ITPR3: variants seen among roughly 807,000 people sequenced by gnomAD.
ITPR3 encodes inositol 1,4,5-trisphosphate receptor type 3.
ITPR3 carries 173 observed loss-of-function variants against 293.2 expected under a neutral mutation model. That is an observed-to-expected ratio of 0.59 (90% CI 0.52 to 0.67). The LOEUF is 0.67. Among genes scored for constraint, ITPR3 ranks in the 30% least tolerant of loss-of-function variants. ITPR3 has a pLI of 0.00. For missense variants in ITPR3, 2,796 were observed against 3,592.1 expected (o/e 0.78, Z 5.66); for synonymous variants, 1,295 against 1,444.4 (o/e 0.90, Z 2.35).
rs1197642838 is a variant in ITPR3, at chr6:33,633,813, GGCGGGGCGGGCGC to G, written c.90-6669_90-6657del. ...AGCTCGCGGGCCGGGCCAGGCTGGG[GGCGGGGCGGGCGC>G]GGGGCGGGCGCGGGGCGGGGCCGGG... On this transcript the variant is annotated intron_variant, in intron 1 of 57. Coordinates refer to ENST00000605930, the MANE Select transcript of ITPR3 (RefSeq NM_002224.4). This position sits in a 1 kb window ranked among gnomAD's most constrained non-coding sequence, Gnocchi z 5.2. Among the ~76,000 whole-genome samples, 1 of 141,060 alleles carries G rather than the reference GGCGGGGCGGGCGC, an allele frequency of 7.1e-6. No individual in the cohort carries two copies. The highest frequency in any genetic ancestry group is 1.5e-5 in the Non-Finnish European group (1 of 64,520). 92.5% of individuals were successfully genotyped at this position (141,060 alleles called of 152,430 possible). A position where few individuals can be genotyped will look rare whatever the true frequency, so the allele number is the denominator to read the frequency against.
chr6:33,682,919 T>C lies in ITPR3; in HGVS notation c.4597+275T>C, dbSNP rs1327584481. On this transcript the variant is annotated intron_variant, in intron 34 of 57. Coordinates refer to ENST00000605930, the MANE Select transcript of ITPR3 (RefSeq NM_002224.4). The surrounding 1 kb of genome is among the most constrained non-coding windows in gnomAD (Gnocchi z 5.4). ...AGATGGGCTCAGGCAGGAGCAGGCC[T>C]GTGGATTGTTAGGGACAGTTGGGGA... Among the ~76,000 whole-genome samples, 1 of 151,996 alleles carries C rather than the reference T, an allele frequency of 6.6e-6. No individual in the cohort carries two copies. The highest frequency in any genetic ancestry group is 2.4e-5 in the African/African-American group (1 of 41,346).
rs1302038198 is a variant in ITPR3, at chr6:33,686,089, A to G, written c.5704A>G (p.Asn1902Asp). The G allele has an allele frequency of 6.2e-7, 1 of 1,614,116 alleles. No individual in the cohort carries two copies. The highest frequency in any genetic ancestry group is 2.2e-5 in the East Asian group (1 of 44,886). Residue 1902 changes from asparagine to aspartate, a missense_variant, in exon 42 of 58, where the codon AAC becomes GAC. Around this residue, in one of 8 missense-constraint regions of ITPR3, gnomAD observed 704 missense variants for 797.5 expected, o/e 0.88. Coordinates refer to ENST00000605930, the MANE Select transcript of ITPR3 (RefSeq NM_002224.4). ...CTGTCAGAACAACAAAACCAACTAC[A>G]ACTTGGTATGCGAGACGCTGCAGTT... ...LRCQNNKTNYNLVCETLQFLD... is the reference protein window; with the variant it reads ...LRCQNNKTNYDLVCETLQFLD...
In ITPR3 at chr6:33,682,603, A is replaced by G; in HGVS notation, c.4556A>G (p.Lys1519Arg). The change falls in exon 34 of 58, where the codon AAG becomes AGG. Residue 1519 changes from lysine (K) to arginine (R), a missense_variant. Transcript: ENST00000605930. This position sits in a 1 kb window ranked among gnomAD's most constrained non-coding sequence, Gnocchi z 5.4. Reference protein sequence around the residue: ...LECPWLQQQHKGSVEACIRTL... With the variant: ...LECPWLQQQHRGSVEACIRTL... The stretch of plus-strand genomic sequence containing the variant: ...TGTCCGTGGCTACAGCAGCAGCACA[A>G]GGGCTCCGTGGAGGCCTGCATCCGG... 6.3e-7 allele frequency: 1 copy of G among 1,597,472 alleles called. No homozygotes were observed. The highest frequency in any genetic ancestry group is 8.5e-7 in the Non-Finnish European group (1 of 1,172,758).
intron 33 of ITPR3, 140 bp downstream of exon 33, chr6:33,680,820 CTTT>C (rs747753235): frequency 8.4e-3 from 4,733 of 564,570 alleles, no homozygotes; most frequent in Middle Eastern, 0.011. Context: ...TATTGGTTAT[CTTT>C]TTTTTTTTTT....
intron 2 of ITPR3, among the ~76,000 whole-genome samples, chr6:33,650,763 T>A (rs1168947471): frequency 6.6e-6 from 1 of 152,148 alleles, no homozygotes; most frequent in African/African-American, 2.4e-5. Flanking sequence ...CATTTTTTTT[T>A]ATCGTTTTCT....
intron 25 of ITPR3, 55 bp from the exon 26 acceptor site, chr6:33,676,713 A>G (rs1764916439): frequency 6.2e-6 from 10 of 1,600,690 alleles, no homozygotes; most frequent in Non-Finnish European, 7.7e-6. Context: ...GGAGGTCTCT[A>G]AGTGGCATGG....
rs1431977678 is a variant in ITPR3 at position 33,624,645 on chromosome 6, A to T, written c.89+2954A>T. Among the ~76,000 whole-genome samples, 1 of 152,220 alleles carries T rather than the reference A, an allele frequency of 6.6e-6. No homozygotes were observed. Among genetic ancestry groups the T allele is most frequent in the African/African-American group, 2.4e-5 (1 of 41,446 alleles). On this transcript the variant is annotated intron_variant, in intron 1 of 57. Transcript: ENST00000605930. This position sits in a 1 kb window ranked among gnomAD's most constrained non-coding sequence, Gnocchi z 4.7. Reference sequence around the variant, plus strand: ...GCTTTTCCCGAGGCTGTTGGTGCCCATGTCTGTGAACCCATAGGCTGATTT... The same window carrying T: ...GCTTTTCCCGAGGCTGTTGGTGCCCTTGTCTGTGAACCCATAGGCTGATTT...
intron 2 of ITPR3, among the ~76,000 whole-genome samples, chr6:33,648,882 C>G (rs1215576493): frequency 6.6e-6 from 1 of 150,420 alleles, no homozygotes; most frequent in Non-Finnish European, 1.5e-5. Flanking sequence ...GTGTGAGCCA[C>G]CACGCCCAGG....
At position 33,687,115 on chromosome 6, in the gene ITPR3, G is replaced by A. The variant is rs747157089; in HGVS notation, c.6075+11G>A. 1 of 1,612,300 alleles carries A rather than the reference G, an allele frequency of 6.2e-7. No individual in the cohort carries two copies. The highest frequency in any genetic ancestry group is 1.3e-5 in the African/African-American group (1 of 74,870). On this transcript the variant is annotated intron_variant, in intron 44 of 57. Coordinates refer to ENST00000605930, the MANE Select transcript of ITPR3 (RefSeq NM_002224.4). This position sits in a 1 kb window ranked among gnomAD's most constrained non-coding sequence, Gnocchi z 5.3. Reference sequence around the variant, plus strand: ...CGGCCCCAGGAGCTGGTGAGGCTGGGCAGGTGGGCAGGCGGGCGGAACCAG... The same window carrying A: ...CGGCCCCAGGAGCTGGTGAGGCTGGACAGGTGGGCAGGCGGGCGGAACCAG...
chr6:33,624,698 C>T lies in ITPR3; in HGVS notation c.89+3007C>T, dbSNP rs1023631251. ...CTGAATTCCTGGGCTAACCCAGTGC[C>T]CAGTGTGTGGGCCCCAGGAGGTACC... On this transcript the variant is annotated intron_variant, in intron 1 of 57. Coordinates refer to ENST00000605930, the MANE Select transcript of ITPR3 (RefSeq NM_002224.4). The surrounding 1 kb of genome is among the most constrained non-coding windows in gnomAD (Gnocchi z 4.7). 1.3e-5 allele frequency among the ~76,000 whole-genome samples: 2 copies of T among 152,204 alleles called. No individual in the cohort carries two copies. The highest frequency in any genetic ancestry group is 4.8e-5 in the African/African-American group (2 of 41,452).
At chr6:33,669,901 A>G (rs757234566) in intron 18 of ITPR3, among the ~76,000 whole-genome samples, 40 of 152,304 alleles carry the variant, frequency 2.6e-4, no homozygotes, top group Non-Finnish European at 5.1e-4. Context: ...TGGTATTGCC[A>G]GGGCAGCACA....
In ITPR3 at chr6:33,690,232, G is replaced by A. The variant is rs1274516398; in HGVS notation, c.7032+34G>A. The A allele has an allele frequency of 3.1e-6, 5 of 1,599,382 alleles. No individual in the cohort carries two copies. The African/African-American group carries it at 6.7e-5, about 21-fold the overall frequency. On this transcript the variant is annotated intron_variant, in intron 51 of 57. Coordinates refer to ENST00000605930, the MANE Select transcript of ITPR3 (RefSeq NM_002224.4). ...TTCTGGGTGGGCTGGGGCTGGATGG[G>A]GGCATGGGGTGGTTGGGGCTTCCCA...
chr6:33,646,739 G>A (rs1213532614), intron 2 of ITPR3, among the ~76,000 whole-genome samples: 6 of 152,068 alleles, frequency 3.9e-5, no homozygotes, highest in South Asian at 2.1e-4. Flanking sequence ...GCAACATGGC[G>A]AAACCCCGTC....
Position 33,678,678 on chromosome 6 carries a change from A to G in ITPR3, c.3811A>G (p.Asn1271Asp). 6.2e-7 allele frequency: 1 copy of G among 1,613,034 alleles called. No homozygotes were observed. The highest frequency in any genetic ancestry group is 2.2e-5 in the East Asian group (1 of 44,882). ...AETMQHIFLN[N>D]YQLCSEISEP... ...GACCATGCAGCACATCTTCCTGAAC[A>G]ACTATCAGCTCTGCTCCGAGATCAG... The change falls in exon 30 of 58, where the codon AAC (asparagine) becomes GAC (aspartate). Residue 1271 changes from asparagine to aspartate, a missense_variant. By Grantham distance (23) the Asn-to-Asp change is conservative. Around this residue, in one of 8 missense-constraint regions of ITPR3, gnomAD observed 344 missense variants for 460.3 expected, o/e 0.75. Coordinates refer to ENST00000605930, the MANE Select transcript of ITPR3 (RefSeq NM_002224.4).
chr6:33,686,377 T>C (rs1431082141), intron 42 of ITPR3, 32 bp from the exon 43 acceptor site: 2 of 1,597,706 alleles, frequency 1.3e-6, no homozygotes, highest in Non-Finnish European at 1.7e-6. Flanking sequence ...TGAGAGGGCC[T>C]GGGCCCTGTG....
In ITPR3 at chr6:33,671,025, G is replaced by A. The variant is rs908649976; in HGVS notation, c.2587-140G>A. ...GCCTGGGAAAGGGCTGCCTCTCCCT[G>A]CTCCGCTCTCCCTCCTGGGAACCCC... On this transcript the variant is annotated intron_variant, in intron 20 of 57. Coordinates refer to ENST00000605930, the MANE Select transcript of ITPR3 (RefSeq NM_002224.4). The A allele has an allele frequency of 4.2e-6, 6 of 1,436,794 alleles. No homozygotes were observed. In the African/African-American group the frequency reaches 4.2e-5, roughly 10 times the overall value. The allele number at this position is 1,436,794 out of a possible 1,614,324, so 89.0% of individuals were successfully genotyped here. A position where few individuals can be genotyped will look rare whatever the true frequency, so the allele number is the denominator to read the frequency against.
In ITPR3 at chr6:33,694,933, C is replaced by A; in HGVS notation, c.7795C>A (p.Leu2599Met). ...YVAQMIKNKN[L>M]DWFPRMRAMS... ...TGGTGATGTTTTTCAGAACAAGAAC[C>A]TGGACTGGTTCCCCCGGATGCGGGC... The change falls in exon 57 of 58, where the codon CTG becomes ATG. Residue 2599 changes from leucine (L) to methionine (M), a missense_variant. Around this residue, in one of 8 missense-constraint regions of ITPR3, gnomAD observed 568 missense variants for 796.1 expected, o/e 0.71. Transcript: ENST00000605930. The A allele has an allele frequency of 2.5e-6, 4 of 1,614,160 alleles. No individual in the cohort carries two copies. The Middle Eastern group carries it at 6.6e-4, about 266-fold the overall frequency.
chr6:33,688,129 C>T lies in ITPR3; in HGVS notation c.6337C>T (p.Pro2113Ser). The T allele has an allele frequency of 6.2e-7, 1 of 1,614,158 alleles. No homozygotes were observed. Among genetic ancestry groups the T allele is most frequent in the Non-Finnish European group, 8.5e-7 (1 of 1,180,020 alleles). The stretch of plus-strand genomic sequence containing the variant: ...GCCAGCACAGGAGGAGGAGGAAGAC[C>T]CCCTGGCCTACTATGAGAACCACAC... ...SAPAQEEEED[P>S]LAYYENHTSQ... is the part of the protein sequence containing the mutation. The change falls in exon 47 of 58, where the codon CCC (proline) becomes TCC (serine). Residue 2113 changes from proline to serine, a missense_variant. Physicochemically the swap from Pro to Ser is moderately conservative, Grantham distance 74. This residue lies in a region of ITPR3 where 568 missense variants were observed against 796.1 expected (regional missense o/e 0.71). Transcript: ENST00000605930.
chr6:33,693,986 GA>G (rs1269505474), intron 56 of ITPR3, among the ~76,000 whole-genome samples: 1 of 152,212 alleles, frequency 6.6e-6, no homozygotes, highest in African/African-American at 2.4e-5. Context: ...TGGGTGTCAG[GA>G]AAAATCCCAC....
Sources: gnomAD v4.1 joint callset for allele counts (sites outside exome capture counted in the v4.1 genomes callset) on GRCh38, gnomAD v4.1.1 for gene constraint, gnomAD v4.1.1 regional missense constraint, Gnocchi (gnomAD v3.1) non-coding constraint, MANE v1.5 for transcripts, NCBI Gene and HGNC (gene_info 2026-07-23, HGNC 2026-07-21) for gene names.